Variants in PPARGC1A observed in about 807,000 individuals in gnomAD.
PPARGC1A encodes PPARG coactivator 1 alpha, also known as peroxisome proliferator-activated receptor gamma coactivator 1-alpha.
In PPARGC1A, 25 loss-of-function variants were observed where a neutral mutation model predicts 88.7. The observed-to-expected ratio is 0.28, with a 90% CI of 0.21 to 0.39. The LOEUF (loss-of-function observed/expected upper bound fraction) is 0.39, where lower values mean the gene tolerates loss of function less well. Ranked by LOEUF, PPARGC1A falls within the 10% of genes least tolerant of loss-of-function variation. PPARGC1A has a pLI of 1.00. For missense variants in PPARGC1A, 880 were observed against 968.7 expected, an observed-to-expected ratio of 0.91 and a Z score of 1.22; for synonymous variants, 363 against 355.6, an observed-to-expected ratio of 1.02 and a Z score of -0.24.
At chr4:24,442,003 C>T in the PPARGC1A span, among the ~76,000 whole-genome samples, 2 of 152,158 alleles carry the variant, frequency 1.3e-5, no homozygotes, top group Admixed American at 1.3e-4. Flanking sequence ...ATCAGTTATG[C>T]AAAGATGTTT....
the PPARGC1A span, among the ~76,000 whole-genome samples, chr4:24,074,880 C>A: frequency 6.6e-6 from 1 of 152,154 alleles, no homozygotes; most frequent in East Asian, 1.9e-4. Context: ...GGGACACTCA[C>A]ACCTGCTCTA....
chr4:24,430,839 C>T, the PPARGC1A span, among the ~76,000 whole-genome samples: 2 of 151,942 alleles, frequency 1.3e-5, no homozygotes, highest in Non-Finnish European at 2.9e-5. Context: ...AAGTAGGGGC[C>T]GGGCGCGGGG....
chr4:23,987,387 C>T, the PPARGC1A span, among the ~76,000 whole-genome samples: 8 of 152,000 alleles, frequency 5.3e-5, no homozygotes, highest in Non-Finnish European at 8.8e-5. Flanking sequence ...CACCATTGTG[C>T]CCTCTAAAAT....
In PPARGC1A at chr4:23,869,257, A is replaced by G. The variant is rs111543810; in HGVS notation, c.234+15495T>C. Reference sequence around the variant, plus strand: ...TGAACAAGGGGAAGAATTACTCCTGAAAGAGACATGAGGAAAGACACAGAT... The same window carrying G: ...TGAACAAGGGGAAGAATTACTCCTGGAAGAGACATGAGGAAAGACACAGAT... On this transcript the variant is annotated intron_variant, in intron 2 of 12. Transcript: ENST00000264867. Among the ~76,000 whole-genome samples the G allele has an allele frequency of 4.2e-3, 636 of 152,312 alleles. 15 individuals are homozygous for G. In the South Asian group the frequency reaches 0.064, roughly 15 times the overall value.
the PPARGC1A span, among the ~76,000 whole-genome samples, chr4:23,914,910 G>T: frequency 6.6e-6 from 1 of 152,188 alleles, no homozygotes; most frequent in African/African-American, 2.4e-5. Context: ...GCAAGTATTT[G>T]TCATCAATTA....
chr4:24,259,955 C>A, the PPARGC1A span, among the ~76,000 whole-genome samples: 9 of 152,088 alleles, frequency 5.9e-5, no homozygotes, highest in Non-Finnish European at 1.2e-4. Flanking sequence ...TACCAGGGTG[C>A]GAGTTGGGTG....
chr4:24,042,613 C>G, the PPARGC1A span, among the ~76,000 whole-genome samples: 1 of 152,142 alleles, frequency 6.6e-6, no homozygotes, highest in Non-Finnish European at 1.5e-5. Context: ...GATACCGGAC[C>G]ACATAAATGT....
At position 23,835,067 on chromosome 4, in the gene PPARGC1A, C is replaced by T. The variant is rs368731346; in HGVS notation, c.235-3316G>A. On this transcript the variant is annotated intron_variant, in intron 2 of 12. Transcript: ENST00000264867. ...GGCTTATTTCATTGATGTTCAAAAA[C>T]AGTTCAAGAAAAAGAGTTAAGAATA... Among the ~76,000 whole-genome samples, 6 of 152,188 alleles carry T rather than the reference C, an allele frequency of 3.9e-5. No homozygotes were observed. In the South Asian group the frequency reaches 1.2e-3, roughly 32 times the overall value.
At chr4:24,179,097 A>C in the PPARGC1A span, among the ~76,000 whole-genome samples, 1 of 152,092 alleles carries the variant, frequency 6.6e-6, no homozygotes, top group African/African-American at 2.4e-5. Flanking sequence ...TTATGAGTTA[A>C]GTTCTGTTCT....
the PPARGC1A span, among the ~76,000 whole-genome samples, chr4:24,054,139 G>T: frequency 6.6e-6 from 1 of 152,152 alleles, no homozygotes; most frequent in African/African-American, 2.4e-5. Flanking sequence ...TTAGAGGATA[G>T]AACCAGCTGT....
At chr4:24,189,921 C>T in the PPARGC1A span, among the ~76,000 whole-genome samples, 34 of 152,252 alleles carry the variant, frequency 2.2e-4, no homozygotes, top group Non-Finnish European at 1.0e-4. Flanking sequence ...AGCACACCTG[C>T]TCTGTATTTC....
the PPARGC1A span, among the ~76,000 whole-genome samples, chr4:24,360,592 C>T: frequency 6.6e-6 from 1 of 152,222 alleles, no homozygotes; most frequent in Admixed American, 6.5e-5. Context: ...TTGCTAGGCA[C>T]TTAGAACAGT....
chr4:24,067,692 T>G, the PPARGC1A span, among the ~76,000 whole-genome samples: 1 of 152,282 alleles, frequency 6.6e-6, no homozygotes, highest in Non-Finnish European at 1.5e-5. Flanking sequence ...TGTCCTCCAA[T>G]TAAACTGATC....
the PPARGC1A span, among the ~76,000 whole-genome samples, chr4:24,296,632 G>C: frequency 6.6e-6 from 1 of 152,144 alleles, no homozygotes; most frequent in South Asian, 2.1e-4. Context: ...TCCCTGCACT[G>C]TGTGTATCTA....
At chr4:24,006,537 G>A in the PPARGC1A span, among the ~76,000 whole-genome samples, 3 of 152,176 alleles carry the variant, frequency 2.0e-5, no homozygotes, top group Non-Finnish European at 4.4e-5. Context: ...GCATGCTGCT[G>A]AAATAACCTC....
the PPARGC1A span, among the ~76,000 whole-genome samples, chr4:24,127,091 A>G: frequency 6.6e-6 from 1 of 152,180 alleles, no homozygotes; most frequent in African/African-American, 2.4e-5. Flanking sequence ...AATGAACTGG[A>G]TAATTAAAAG....
the PPARGC1A span, among the ~76,000 whole-genome samples, chr4:24,455,450 A>G: frequency 1.2e-4 from 19 of 152,378 alleles, no homozygotes; most frequent in Admixed American, 8.5e-4. Flanking sequence ...ACTGCACTCC[A>G]GCCTGGACAA....
At chr4:24,443,254 G>T in the PPARGC1A span, among the ~76,000 whole-genome samples, 1 of 145,144 alleles carries the variant, frequency 6.9e-6, no homozygotes, top group African/African-American at 2.5e-5. Context: ...AAATGTATGG[G>T]TTTTTTTTTT....
the PPARGC1A span, among the ~76,000 whole-genome samples, chr4:24,173,255 C>T: frequency 6.9e-6 from 1 of 145,360 alleles, no homozygotes; most frequent in South Asian, 2.2e-4. Context: ...TTACGTTATT[C>T]AACATGGAGG....
Sources: allele counts gnomAD v4.1 joint callset (sites outside exome capture counted in the v4.1 genomes callset), GRCh38; gene constraint gnomAD v4.1.1; transcripts MANE v1.5; gene names NCBI Gene and HGNC (gene_info 2026-07-23, HGNC 2026-07-21).